Variants in MARCHF7 observed in about 807,000 individuals in gnomAD.
MARCHF7 encodes the protein E3 ubiquitin-protein ligase MARCHF7.
MARCHF7 carries 20 observed loss-of-function variants against 76.5 expected under a neutral mutation model. The observed-to-expected ratio is 0.26, with a 90% CI of 0.18 to 0.38. The LOEUF (loss-of-function observed/expected upper bound fraction) is 0.38, where lower values mean the gene tolerates loss of function less well. Among genes scored for constraint, MARCHF7 ranks in the 10% least tolerant of loss-of-function variants. MARCHF7 has a pLI of 1.00. For synonymous variants in MARCHF7, 295 were observed against 293.0 expected, an observed-to-expected ratio of 1.01 and a Z score of -0.07; for missense variants, 797 against 812.9, an observed-to-expected ratio of 0.98 and a Z score of 0.24.
chr2:159,759,400 A>G (rs1464916963), intron 9 of MARCHF7, 65 bp downstream of exon 9: 1 of 752,026 alleles, frequency 1.3e-6, no homozygotes, highest in Non-Finnish European at 2.2e-6. Flanking sequence ...TCTTGAAGAA[A>G]AGATTAAATC....
chr2:159,730,176 T>C (rs1574257542), intron 4 of MARCHF7, among the ~76,000 whole-genome samples: 1 of 152,200 alleles, frequency 6.6e-6, no homozygotes, highest in African/African-American at 2.4e-5. Context: ...GCTGAGATTA[T>C]AGGCACATGC....
At chr2:159,760,057 A>C (rs1706843333) in intron 9 of MARCHF7, among the ~76,000 whole-genome samples, 1 of 152,234 alleles carries the variant, frequency 6.6e-6, no homozygotes, top group Non-Finnish European at 1.5e-5. Flanking sequence ...GTTTAGTTCC[A>C]AAACATTTTC....
At position 159,770,526 on chromosome 2, in the gene MARCHF7, C is replaced by T. The variant is rs969488203; in HGVS notation, c.*3184C>T. 15 of 152,052 alleles carry T rather than the reference C, an allele frequency of 9.9e-5. No individual in the cohort carries two copies. The highest frequency in any genetic ancestry group is 1.6e-4 in the Non-Finnish European group (11 of 67,992). The allele number at this position is 152,052 out of a possible 1,614,324, so 9.4% of individuals were successfully genotyped here. A position where few individuals can be genotyped will look rare whatever the true frequency, so the allele number is the denominator to read the frequency against. ...GAGATAGTATATCTATCTATCTCCC[C>T]AGAAGAAAGTAAGATAATTGATGGG... On this transcript the variant is annotated 3_prime_UTR_variant, in exon 12 of 12. Transcript: ENST00000409175.
intron 5 of MARCHF7, among the ~76,000 whole-genome samples, chr2:159,743,716 A>G (rs1704425542): frequency 7.1e-6 from 1 of 139,902 alleles, no homozygotes; most frequent in Admixed American, 7.7e-5. Context: ...CCTAGACAAC[A>G]TAGTGAGACC....
intron 5 of MARCHF7, among the ~76,000 whole-genome samples, chr2:159,743,515 T>C (rs1704396946): frequency 6.6e-6 from 1 of 152,206 alleles, no homozygotes; most frequent in African/African-American, 2.4e-5. Flanking sequence ...ATCAAATTGG[T>C]AAATGTATGT....
intron 3 of MARCHF7, among the ~76,000 whole-genome samples, chr2:159,727,589 G>A (rs7589941): frequency 0.35 from 52,176 of 150,902 alleles, 9,126 homozygotes; most frequent in South Asian, 0.44. Flanking sequence ...CTCCGTCTCA[G>A]AAAAAAAAAG....
At chr2:159,742,962 G>A in intron 4 of MARCHF7, 99 bp from the exon 5 acceptor site, 1 of 1,107,882 alleles carries the variant, frequency 9.0e-7, no homozygotes, top group Non-Finnish European at 1.3e-6. Context: ...CTACGTGGTA[G>A]AAAAATTGAT....
At chr2:159,725,096 G>A (rs1559993468) in intron 3 of MARCHF7, among the ~76,000 whole-genome samples, 1 of 152,146 alleles carries the variant, frequency 6.6e-6, no homozygotes, top group Non-Finnish European at 1.5e-5. Flanking sequence ...TGGGCATTTG[G>A]GTTGATTCCA....
intron 8 of MARCHF7, among the ~76,000 whole-genome samples, chr2:159,754,503 C>T (rs1706048454): frequency 6.6e-6 from 1 of 151,412 alleles, no homozygotes. Flanking sequence ...AACATAGGTT[C>T]GATACTTTGA....
chr2:159,752,285 C>A, intron 7 of MARCHF7, 117 bp from the exon 8 acceptor site: 2 of 880,984 alleles, frequency 2.3e-6, no homozygotes, highest in Non-Finnish European at 3.1e-6. Context: ...TTGCTTTTTT[C>A]CACCCAGAGA....
At chr2:159,745,314 C>A (rs1463230992) in intron 5 of MARCHF7, among the ~76,000 whole-genome samples, 2 of 152,088 alleles carry the variant, frequency 1.3e-5, no homozygotes, top group African/African-American at 4.8e-5. Context: ...TTATGTTTTA[C>A]TGAATTGTGT....
At position 159,720,424 on chromosome 2, in the gene MARCHF7, A is replaced by G. The variant is rs536447321; in HGVS notation, c.-15+4658A>G. Among the ~76,000 whole-genome samples, 236 of 152,252 alleles carry G rather than the reference A, an allele frequency of 1.6e-3. 1 individual carries two copies. Among genetic ancestry groups the G allele is most frequent in the Admixed American group, 3.0e-3 (46 of 15,304 alleles). On this transcript the variant is annotated intron_variant, in intron 3 of 11. Transcript: ENST00000409175. ...GGTATTTATATTATGGCTATTGTAT[A>G]TTTGTTAAAAAGTGCTCTTTTTGCA...
At chr2:159,731,305 C>A (rs965826900) in intron 4 of MARCHF7, among the ~76,000 whole-genome samples, 1 of 152,090 alleles carries the variant, frequency 6.6e-6, no homozygotes, top group African/African-American at 2.4e-5. Flanking sequence ...ATGTTAGCTA[C>A]TGTTGCATGT....
Position 159,719,903 on chromosome 2 carries a change from T to C in MARCHF7, c.-15+4137T>C, listed in dbSNP as rs536681245. Among the ~76,000 whole-genome samples, 41 of 152,344 alleles carry C rather than the reference T, an allele frequency of 2.7e-4. No homozygotes were observed. The East Asian group carries it at 7.3e-3, about 27-fold the overall frequency. On this transcript the variant is annotated intron_variant, in intron 3 of 11. Coordinates refer to ENST00000409175, the MANE Select transcript of MARCHF7 (RefSeq NM_001282805.2). The stretch of plus-strand genomic sequence containing the variant: ...TTAGTATGGTGGGTTGACTTTGTTT[T>C]GTCTGTAGTCGAGATGGATATGACC...
chr2:159,739,019 C>T (rs894415751), intron 4 of MARCHF7, among the ~76,000 whole-genome samples: 4 of 152,168 alleles, frequency 2.6e-5, no homozygotes, highest in Admixed American at 6.5e-5. Context: ...GCTGGTGTGT[C>T]GGCACTGCCC....
intron 4 of MARCHF7, among the ~76,000 whole-genome samples, chr2:159,741,542 A>C (rs1704128660): frequency 6.6e-6 from 1 of 152,148 alleles, no homozygotes; most frequent in African/African-American, 2.4e-5. Context: ...TATAGTACTT[A>C]TTTATAGTGT....
At chr2:159,743,900 T>A (rs533849105) in intron 5 of MARCHF7, among the ~76,000 whole-genome samples, 1 of 148,778 alleles carries the variant, frequency 6.7e-6, no homozygotes, top group East Asian at 2.1e-4. Context: ...AGAGCAAGAC[T>A]CTGTTTCTTA....
chr2:159,731,481 A>C (rs940264085), intron 4 of MARCHF7, among the ~76,000 whole-genome samples: 1 of 151,912 alleles, frequency 6.6e-6, no homozygotes, highest in Non-Finnish European at 1.5e-5. Flanking sequence ...CTGGCCTGGC[A>C]TGGTGGCTCA....
At chr2:159,765,625 C>CT (rs2125757743) in intron 11 of MARCHF7, among the ~76,000 whole-genome samples, 2 of 152,220 alleles carry the variant, frequency 1.3e-5, no homozygotes, top group South Asian at 4.1e-4. Context: ...AACATTTTTA[C>CT]TTTTAGAGAA....
Sources: gnomAD v4.1 joint callset for allele counts (sites outside exome capture counted in the v4.1 genomes callset) on GRCh38, gnomAD v4.1.1 for gene constraint, MANE v1.5 for transcripts, NCBI Gene and HGNC (gene_info 2026-07-23, HGNC 2026-07-21) for gene names.